The following TBL1Y variants were observed in gnomAD, a reference collection of about 807,000 sequenced individuals.
TBL1Y encodes transducin beta like 1 Y-linked, also known as F-box-like/WD repeat-containing protein TBL1Y.
TBL1Y carries 15 observed loss-of-function variants against 12.0 expected under a neutral mutation model. That is an observed-to-expected ratio of 1.25 (90% CI 0.83 to 1.92). TBL1Y has a LOEUF of 1.92. TBL1Y is among the 40% of genes most tolerant of loss of function. The pLI, the probability that TBL1Y is intolerant of heterozygous loss-of-function variation, is 0.00. For synonymous variants in TBL1Y, 53 were observed against 42.6 expected (o/e 1.24, Z -0.95); for missense variants, 148 against 116.7 (o/e 1.27, Z -1.24).
At chrY:6,982,297 A>AT (rs2012290489) in intron 3 of TBL1Y, among the ~76,000 whole-genome samples, 1 of 32,382 alleles carries the variant, frequency 3.1e-5, no homozygotes, top group African/African-American at 1.2e-4. Flanking sequence ...TCTAAAAAAA[A>AT]TTTTTTTAAT....
rs751180145 is a variant in TBL1Y at position 7,026,776 on chromosome Y, G to A, written c.58+1634G>A. 2.1e-4 allele frequency among the ~76,000 whole-genome samples: 7 copies of A among 34,034 alleles called. No homozygotes were observed. In the East Asian group the frequency reaches 2.3e-3, roughly 11 times the overall value. 91.3% of individuals were successfully genotyped at this position (34,034 alleles called of 37,273 possible). A position where few individuals can be genotyped will look rare whatever the true frequency, so the allele number is the denominator to read the frequency against. ...AGATGGAGAGCTAGAGCACAATAAC[G>A]CGTAGACCTTGGCAAATGTCAACTT... is the stretch of plus-strand genomic sequence containing the variant. On this transcript the variant is annotated intron_variant, in intron 6 of 18. Coordinates refer to ENST00000383032, the MANE Select transcript of TBL1Y (RefSeq NM_033284.2).
At chrY:6,950,459 T>A in intron 2 of TBL1Y, among the ~76,000 whole-genome samples, 3 of 33,627 alleles carry the variant, frequency 8.9e-5, no homozygotes, top group African/African-American at 3.5e-4. Flanking sequence ...ACAGATGAAC[T>A]GGACAAAACA....
At chrY:6,982,395 C>T (rs765421268) in intron 3 of TBL1Y, among the ~76,000 whole-genome samples, 12 of 32,909 alleles carry the variant, frequency 3.6e-4, no homozygotes, top group Admixed American at 3.4e-3. Flanking sequence ...GTCAAGGATG[C>T]GGTGAGCTAT....
At chrY:6,930,512 C>T (rs766474579) in intron 2 of TBL1Y, among the ~76,000 whole-genome samples, 16 of 33,284 alleles carry the variant, frequency 4.8e-4, no homozygotes, top group African/African-American at 1.9e-3. Context: ...ACCTGTAATC[C>T]CAGTGAGAGG....
At position 7,063,101 on chromosome Y, in the gene TBL1Y, C is replaced by T. The variant is rs746099409; in HGVS notation, c.205-796C>T. Among the ~76,000 whole-genome samples, 6 of 33,355 alleles carry T rather than the reference C, an allele frequency of 1.8e-4. No homozygotes were observed. The South Asian group carries it at 4.2e-3, about 24-fold the overall frequency. The allele number at this position is 33,355 out of a possible 37,273, so 89.5% of individuals were successfully genotyped here. On this transcript the variant is annotated intron_variant, in intron 7 of 18. Coordinates refer to ENST00000383032, the MANE Select transcript of TBL1Y (RefSeq NM_033284.2). ...TCTGATTTTTCACCCCTGAGACCGCCACAAGGGGTGGGGCATGACTTCTCA... is the reference window on the plus strand; with the variant it reads ...TCTGATTTTTCACCCCTGAGACCGCTACAAGGGGTGGGGCATGACTTCTCA...
At chrY:7,067,286 G>A in intron 8 of TBL1Y, among the ~76,000 whole-genome samples, 2 of 33,153 alleles carry the variant, frequency 6.0e-5, no homozygotes, top group Admixed American at 2.7e-4. Flanking sequence ...GCAAGGCCCC[G>A]TATCTACAAA....
chrY:6,960,376 C>T, intron 2 of TBL1Y, among the ~76,000 whole-genome samples: 1 of 33,784 alleles, frequency 3.0e-5, no homozygotes, highest in South Asian at 6.7e-4. Context: ...TATAATATGG[C>T]TTATGATTTC....
chrY:6,945,871 A>T (rs2011981715), intron 2 of TBL1Y, among the ~76,000 whole-genome samples: 3 of 33,908 alleles, frequency 8.8e-5, no homozygotes, highest in African/African-American at 3.4e-4. Flanking sequence ...CGTCGGTCCC[A>T]CTTAGGCAGT....
rs761156717 is a variant in TBL1Y, at chrY:6,947,026, C to T, written c.-265-31187C>T. Among the ~76,000 whole-genome samples the T allele has an allele frequency of 4.0e-3, 135 of 33,515 alleles. No homozygotes were observed. In the East Asian group the frequency reaches 0.11, roughly 27 times the overall value. 89.9% of individuals were successfully genotyped at this position (33,515 alleles called of 37,273 possible). On this transcript the variant is annotated intron_variant, in intron 2 of 18. Coordinates refer to ENST00000383032, the MANE Select transcript of TBL1Y (RefSeq NM_033284.2). ...TTGGAATAGAATGGGGCAGGTTTGC[C>T]CTAAGCAGTTCCCAGCTTGAGTTTT...
intron 4 of TBL1Y, among the ~76,000 whole-genome samples, chrY:7,008,039 C>T: frequency 3.0e-5 from 1 of 33,168 alleles, no homozygotes; most frequent in East Asian, 8.1e-4. Context: ...GATCATGCTG[C>T]TTCTCAGAGT....
chrY:7,024,215 G>A (rs80127479), intron 5 of TBL1Y, among the ~76,000 whole-genome samples: 1 of 33,522 alleles, frequency 3.0e-5, no homozygotes, highest in Non-Finnish European at 7.4e-5. Flanking sequence ...ACATACATGT[G>A]CATGTGTCTT....
intron 4 of TBL1Y, among the ~76,000 whole-genome samples, chrY:7,012,963 T>C (rs2124146398): frequency 2.9e-5 from 1 of 34,259 alleles, no homozygotes; most frequent in Non-Finnish European, 7.3e-5. Flanking sequence ...TCAGAAGATA[T>C]ACAGAAAAAG....
chrY:7,021,104 C>T (rs2012580282), intron 4 of TBL1Y, among the ~76,000 whole-genome samples: 1 of 33,105 alleles, frequency 3.0e-5, no homozygotes, highest in African/African-American at 1.2e-4. Context: ...GTTCAAGGAA[C>T]CTTAATTTAT....
chrY:7,064,183 T>C (rs2012950855), intron 8 of TBL1Y, 34 bp downstream of exon 8: 1 of 393,096 alleles, frequency 2.5e-6, no homozygotes, highest in Non-Finnish European at 3.6e-6. Context: ...TTGGTGGGCC[T>C]CTCTGGGTTC....
chrY:6,915,755 G>T, intron 2 of TBL1Y, among the ~76,000 whole-genome samples: 4 of 33,509 alleles, frequency 1.2e-4, no homozygotes, highest in African/African-American at 4.7e-4. Context: ...TGCTGGATAG[G>T]AGGACACTTC....
rs2011699988 is a variant in TBL1Y at position 6,912,128 on chromosome Y, C to T, written c.-310C>T. ...GGCACGCCAGAATCCCTGGTTCAGC[C>T]TGGAAGGCGAGGGGCAGGACTCCCC... On this transcript the variant is annotated 5_prime_UTR_variant, in exon 2 of 19. Transcript: ENST00000383032. 1 of 34,267 alleles carries T rather than the reference C, an allele frequency of 2.9e-5. No individual in the cohort carries two copies. Among genetic ancestry groups the T allele is most frequent in the African/African-American group, 1.1e-4 (1 of 8,783 alleles). The allele number at this position is 34,267 out of a possible 400,897, so 8.5% of individuals were successfully genotyped here.
chrY:6,913,280 G>A (rs767797024), intron 2 of TBL1Y, among the ~76,000 whole-genome samples: 18 of 33,030 alleles, frequency 5.4e-4, no homozygotes, highest in Admixed American at 1.7e-3. Context: ...GCATTTTAAT[G>A]GACTGCATGG....
At chrY:7,009,715 T>C (rs2012504882) in intron 4 of TBL1Y, among the ~76,000 whole-genome samples, 1 of 33,488 alleles carries the variant, frequency 3.0e-5, no homozygotes, top group African/African-American at 1.2e-4. Context: ...ACCATAGGCT[T>C]ACTATAGGAA....
chrY:6,924,587 CA>C (rs772610519), intron 2 of TBL1Y, among the ~76,000 whole-genome samples: 2 of 5,774 alleles, frequency 3.5e-4, no homozygotes, highest in Admixed American at 1.9e-3. Flanking sequence ...GACTCTGTCT[CA>C]AAAAAAAAAA....
Sources: allele counts gnomAD v4.1 joint callset (sites outside exome capture counted in the v4.1 genomes callset), GRCh38; gene constraint gnomAD v4.1.1; transcripts MANE v1.5; gene names NCBI Gene and HGNC (gene_info 2026-07-23, HGNC 2026-07-21).